The following SMYD3 variants were observed in gnomAD, a reference collection of about 807,000 sequenced individuals.
The protein encoded by SMYD3 is SET and MYND domain containing 3.
Under a neutral mutation model 57.7 loss-of-function variants are expected in SMYD3, and 36 were observed. The ratio of observed to expected loss-of-function variants is 0.62; its 90% CI spans 0.48 to 0.82. The LOEUF (loss-of-function observed/expected upper bound fraction) is 0.82, where lower values mean the gene tolerates loss of function less well. SMYD3 is among the 40% of genes least tolerant of loss of function. The pLI is 0.00. For missense variants in SMYD3, 515 were observed against 538.8 expected (o/e 0.96, Z 0.44); for synonymous variants, 211 against 195.0 (o/e 1.08, Z -0.68).
intron 5 of SMYD3, among the ~76,000 whole-genome samples, chr1:246,083,672 G>C (rs1350922228): frequency 2.0e-5 from 3 of 152,102 alleles, no homozygotes; most frequent in African/African-American, 7.2e-5. Context: ...GAGCCAGTTG[G>C]GTGACTACAG....
At chr1:245,968,680 C>T (rs1455494725) in intron 5 of SMYD3, among the ~76,000 whole-genome samples, 2 of 152,190 alleles carry the variant, frequency 1.3e-5, no homozygotes, top group Non-Finnish European at 2.9e-5. Flanking sequence ...CTCAAGTCTT[C>T]TGGAACTGAG....
intron 5 of SMYD3, among the ~76,000 whole-genome samples, chr1:246,050,079 AG>A (rs1377290788): frequency 1.3e-5 from 2 of 152,260 alleles, no homozygotes; most frequent in Non-Finnish European, 1.5e-5. Context: ...CGAAATACTT[AG>A]AGATTAGGGC....
At chr1:245,754,676 T>A (rs1218850398) in intron 11 of SMYD3, among the ~76,000 whole-genome samples, 1 of 152,234 alleles carries the variant, frequency 6.6e-6, no homozygotes, top group Non-Finnish European at 1.5e-5. Context: ...ACATCTTGGA[T>A]AACTTCAAGT....
chr1:246,188,515 A>G (rs2148315189), intron 5 of SMYD3, among the ~76,000 whole-genome samples: 1 of 152,238 alleles, frequency 6.6e-6, no homozygotes, highest in South Asian at 2.1e-4. Flanking sequence ...CATGACCACT[A>G]TTTCCAAAAG....
chr1:245,764,127 G>C lies in SMYD3; in HGVS notation c.1099C>G (p.Pro367Ala). Residue 367 changes from proline (P) to alanine (A), a missense_variant, in exon 11 of 12, where the codon CCC becomes GCC. By Grantham distance (27) the Pro-to-Ala change is conservative. Coordinates refer to ENST00000490107, the MANE Select transcript of SMYD3 (RefSeq NM_001167740.2). The stretch of plus-strand genomic sequence containing the variant: ...TTCATCACTTGAACCCCTCTGACGG[G>C]ATGGCTTCCTGGGAAAAAAATCCTG... ...PYRIFFPGSHPVRGVQVMKVG... is the reference protein window; with the variant it reads ...PYRIFFPGSHAVRGVQVMKVG... The C allele has an allele frequency of 6.2e-7, 1 of 1,613,836 alleles. No homozygotes were observed. The highest frequency in any genetic ancestry group is 1.1e-5 in the South Asian group (1 of 91,014).
At chr1:246,091,136 C>T (rs2060816690) in intron 5 of SMYD3, among the ~76,000 whole-genome samples, 2 of 152,142 alleles carry the variant, frequency 1.3e-5, no homozygotes. Context: ...GGATGCCAGG[C>T]GTACTGGGGA....
At chr1:246,090,628 C>T (rs1292197869) in intron 5 of SMYD3, among the ~76,000 whole-genome samples, 7 of 151,676 alleles carry the variant, frequency 4.6e-5, no homozygotes, top group African/African-American at 1.7e-4. Context: ...AGTGGTTCTC[C>T]TGCCTCAGCC....
At chr1:246,041,476 A>G (rs2059871457) in intron 5 of SMYD3, among the ~76,000 whole-genome samples, 1 of 152,230 alleles carries the variant, frequency 6.6e-6, no homozygotes, top group South Asian at 2.1e-4. Flanking sequence ...TAAGTTTCTT[A>G]TTAGCTTGTC....
At chr1:246,076,809 T>G (rs1301559920) in intron 5 of SMYD3, among the ~76,000 whole-genome samples, 1 of 152,152 alleles carries the variant, frequency 6.6e-6, no homozygotes. Context: ...TCACACAGTA[T>G]TTATTGAAAT....
chr1:246,053,636 A>T (rs2060100073), intron 5 of SMYD3, among the ~76,000 whole-genome samples: 1 of 152,186 alleles, frequency 6.6e-6, no homozygotes, highest in Non-Finnish European at 1.5e-5. Context: ...CTTATGCCAT[A>T]ACATATTCAA....
At chr1:245,917,178 T>G (rs895407658) in intron 7 of SMYD3, among the ~76,000 whole-genome samples, 1 of 152,086 alleles carries the variant, frequency 6.6e-6, no homozygotes, top group African/African-American at 2.4e-5. Flanking sequence ...GCTACAGGCA[T>G]GTACCACCAC....
At chr1:246,459,027 A>AT (rs1286163028) in intron 1 of SMYD3, among the ~76,000 whole-genome samples, 1 of 151,890 alleles carries the variant, frequency 6.6e-6, no homozygotes, top group African/African-American at 2.4e-5. Context: ...TCCAATTGTA[A>AT]TCCCCGTGTG....
chr1:246,463,680 A>C (rs912164516), intron 1 of SMYD3, among the ~76,000 whole-genome samples: 4 of 149,558 alleles, frequency 2.7e-5, no homozygotes, highest in South Asian at 2.1e-4. Flanking sequence ...AAAAAAAAAA[A>C]AAAACATTAG....
intron 5 of SMYD3, among the ~76,000 whole-genome samples, chr1:246,081,033 C>G (rs2060629709): frequency 6.8e-6 from 1 of 147,858 alleles, no homozygotes; most frequent in Non-Finnish European, 1.5e-5. Context: ...AGATAAGTTA[C>G]CACTTTGTTT....
chr1:246,207,476 G>T (rs1439830441), intron 5 of SMYD3, among the ~76,000 whole-genome samples: 1 of 152,124 alleles, frequency 6.6e-6, no homozygotes, highest in Non-Finnish European at 1.5e-5. Flanking sequence ...ACAGCATAAG[G>T]AGTGAAAAAG....
At chr1:245,980,135 G>A (rs145057684) in intron 5 of SMYD3, among the ~76,000 whole-genome samples, 2 of 152,214 alleles carry the variant, frequency 1.3e-5, no homozygotes, top group East Asian at 1.9e-4. Flanking sequence ...ATTACAACGA[G>A]GGGGAGAACT....
At chr1:246,379,705 A>G (rs921502334) in intron 1 of SMYD3, among the ~76,000 whole-genome samples, 1 of 152,208 alleles carries the variant, frequency 6.6e-6, no homozygotes, top group Non-Finnish European at 1.5e-5. Flanking sequence ...CTGACTTTTA[A>G]AAGTTTTGAA....
intron 5 of SMYD3, among the ~76,000 whole-genome samples, chr1:246,272,609 C>G (rs1428851304): frequency 6.6e-6 from 1 of 152,054 alleles, no homozygotes; most frequent in African/African-American, 2.4e-5. Flanking sequence ...CATTTTGAAC[C>G]ATTCTTGCAG....
intron 10 of SMYD3, among the ~76,000 whole-genome samples, chr1:245,778,036 C>T (rs749612352): frequency 1.3e-5 from 2 of 151,868 alleles, no homozygotes; most frequent in Admixed American, 6.6e-5. Flanking sequence ...AACTATTAAC[C>T]GAGATACCTA....
Sources: allele counts gnomAD v4.1 joint callset (sites outside exome capture counted in the v4.1 genomes callset), GRCh38; gene constraint gnomAD v4.1.1; transcripts MANE v1.5; gene names NCBI Gene and HGNC (gene_info 2026-07-23, HGNC 2026-07-21).